The following GLT1D1 variants were observed in gnomAD, a reference collection of about 807,000 sequenced individuals.
GLT1D1 encodes the protein glycosyltransferase 1 domain containing 1.
In GLT1D1, 21 loss-of-function variants were observed where a neutral mutation model predicts 28.7. The ratio of observed to expected loss-of-function variants is 0.73; its 90% CI spans 0.52 to 1.05. GLT1D1 has a LOEUF of 1.05. GLT1D1 is among the 50% of genes least tolerant of loss of function. The probability of loss-of-function intolerance (pLI) is 0.00; values close to 1 mark genes in which losing one functional copy is unlikely to be tolerated. For synonymous variants in GLT1D1, 147 were observed against 124.8 expected, an observed-to-expected ratio of 1.18 and a Z score of -1.19; for missense variants, 343 against 330.6, an observed-to-expected ratio of 1.04 and a Z score of -0.29.
chr12:128,856,798 C>G (rs1209448361), intron 1 of GLT1D1, among the ~76,000 whole-genome samples: 1 of 152,110 alleles, frequency 6.6e-6, no homozygotes, highest in Non-Finnish European at 1.5e-5. Flanking sequence ...GAAACCCCAT[C>G]TCTGCTAAAA....
At chr12:128,942,740 TTTGTTTTTGTTTTTTG>T (rs1196768577) in intron 4 of GLT1D1, among the ~76,000 whole-genome samples, 1 of 69,782 alleles carries the variant, frequency 1.4e-5, no homozygotes, top group Non-Finnish European at 2.9e-5. Context: ...TCTTTGTTTG[TTTGTTTTTGTTTTTTG>T]TTTTTTTTTT....
chr12:128,859,575 G>A (rs1171690591), intron 1 of GLT1D1, among the ~76,000 whole-genome samples: 12 of 152,170 alleles, frequency 7.9e-5, no homozygotes, highest in African/African-American at 2.9e-4. Context: ...TGCTCCACAT[G>A]TGAACAGGGC....
At chr12:128,879,298 C>A (rs1264831206) in intron 2 of GLT1D1, among the ~76,000 whole-genome samples, 58 of 152,212 alleles carry the variant, frequency 3.8e-4, no homozygotes, top group Non-Finnish European at 4.4e-5. Flanking sequence ...TCCTGATGTT[C>A]TCCCTCTTCC....
intron 4 of GLT1D1, among the ~76,000 whole-genome samples, chr12:128,933,459 G>A (rs922761054): frequency 1.3e-5 from 2 of 152,252 alleles, no homozygotes; most frequent in Non-Finnish European, 2.9e-5. Context: ...GGGATGATAT[G>A]CTGTTCTATT....
chr12:128,962,964 T>G (rs1159357346), intron 7 of GLT1D1, among the ~76,000 whole-genome samples: 1 of 152,176 alleles, frequency 6.6e-6, no homozygotes, highest in Non-Finnish European at 1.5e-5. Context: ...CCTCCCAAAG[T>G]GCTGGGATTA....
chr12:128,967,301 G>A (rs1165316058), intron 7 of GLT1D1, among the ~76,000 whole-genome samples: 4 of 152,328 alleles, frequency 2.6e-5, no homozygotes, highest in South Asian at 2.1e-4. Flanking sequence ...GTCAGTCAAC[G>A]GTTTAATGTT....
chr12:128,881,389 C>T (rs1232193077), intron 2 of GLT1D1, among the ~76,000 whole-genome samples: 1 of 148,594 alleles, frequency 6.7e-6, no homozygotes, highest in Non-Finnish European at 1.5e-5. Context: ...AAAAAATTAG[C>T]TGACCATGGT....
At chr12:128,892,564 A>G (rs1167215229) in intron 3 of GLT1D1, among the ~76,000 whole-genome samples, 1 of 152,132 alleles carries the variant, frequency 6.6e-6, no homozygotes, top group Non-Finnish European at 1.5e-5. Flanking sequence ...GCAAACACGG[A>G]TTTCTATTTT....
intron 1 of GLT1D1, among the ~76,000 whole-genome samples, chr12:128,865,865 A>T (rs866995291): frequency 6.6e-6 from 1 of 150,910 alleles, no homozygotes; most frequent in Non-Finnish European, 1.5e-5. Context: ...AAAACCAAAA[A>T]CCCCCCCAAA....
At position 128,883,128 on chromosome 12, in the gene GLT1D1, G is replaced by A. The variant is rs571986339; in HGVS notation, c.218-5511G>A. On this transcript the variant is annotated intron_variant, in intron 2 of 7. Coordinates refer to ENST00000281703, the MANE Select transcript of GLT1D1 (RefSeq NM_144669.3). Reference sequence around the variant, plus strand: ...TTTTAGTGGAGACGGGTTTCATCATGTTGGCCAGGATGGTCTCCATCTCCT... The same window carrying A: ...TTTTAGTGGAGACGGGTTTCATCATATTGGCCAGGATGGTCTCCATCTCCT... Among the ~76,000 whole-genome samples, 9 of 150,616 alleles carry A rather than the reference G, an allele frequency of 6.0e-5. No homozygotes were observed. In the East Asian group the frequency reaches 1.8e-3, roughly 31 times the overall value.
intron 4 of GLT1D1, among the ~76,000 whole-genome samples, chr12:128,941,118 C>T (rs747115721): frequency 3.9e-5 from 6 of 152,156 alleles, no homozygotes; most frequent in Non-Finnish European, 7.3e-5. Context: ...CACGTGGCAT[C>T]GTGTTTTCCA....
Position 128,984,756 on chromosome 12 carries a change from C to T in GLT1D1, c.*1666C>T, listed in dbSNP as rs1392753418. ...AAGGCCCTGCCAGGTCCAATGTTGT[C>T]TTAGATCTGATGATGCTGCTATTTA... On this transcript the variant is annotated 3_prime_UTR_variant, in exon 8 of 8. Transcript: ENST00000281703. 1.3e-5 allele frequency: 2 copies of T among 152,184 alleles called. No individual in the cohort carries two copies. 9.4% of individuals were successfully genotyped at this position (152,184 alleles called of 1,614,324 possible). A position where few individuals can be genotyped will look rare whatever the true frequency, so the allele number is the denominator to read the frequency against.
At chr12:128,948,579 T>G (rs1410185657) in intron 6 of GLT1D1, among the ~76,000 whole-genome samples, 1 of 152,198 alleles carries the variant, frequency 6.6e-6, no homozygotes, top group African/African-American at 2.4e-5. Flanking sequence ...TCCTGAGGTC[T>G]TTGATCCAGG....
intron 2 of GLT1D1, among the ~76,000 whole-genome samples, chr12:128,876,794 T>A (rs1023525060): frequency 2.0e-5 from 3 of 152,192 alleles, no homozygotes; most frequent in Admixed American, 2.0e-4. Flanking sequence ...TAATAAAGAA[T>A]ATCAGAGTAA....
chr12:128,946,349 T>C (rs1169044330), intron 5 of GLT1D1, among the ~76,000 whole-genome samples: 1 of 152,054 alleles, frequency 6.6e-6, no homozygotes, highest in East Asian at 1.9e-4. Context: ...CATTCTTTTT[T>C]GTTGTTGTTG....
At chr12:128,890,848 A>C (rs1020333598) in intron 3 of GLT1D1, among the ~76,000 whole-genome samples, 3 of 152,110 alleles carry the variant, frequency 2.0e-5, no homozygotes, top group African/African-American at 7.2e-5. Flanking sequence ...AAAATACAAA[A>C]ATTAGCCGGA....
chr12:128,947,387 G>A lies in GLT1D1; in HGVS notation c.469G>A (p.Ala157Thr), dbSNP rs760112907. ...AGAGATGCCTCAAGAAGATCTGCAC[G>A]CGGTGGTGAAGAATTGCTTCGCGGT... Residue 157 changes from alanine (A) to threonine (T), a missense_variant, in exon 6 of 8, where the codon GCG (alanine) becomes ACG (threonine). Physicochemically the swap from Ala to Thr is moderately conservative, Grantham distance 58 (BLOSUM62 0). Transcript: ENST00000281703. 48 of 1,613,918 alleles carry A rather than the reference G, an allele frequency of 3.0e-5. No homozygotes were observed. Among genetic ancestry groups the A allele is most frequent in the Admixed American group, 5.0e-5 (3 of 60,006 alleles).
At chr12:128,967,155 A>G (rs970624346) in intron 7 of GLT1D1, among the ~76,000 whole-genome samples, 1 of 152,240 alleles carries the variant, frequency 6.6e-6, no homozygotes, top group African/African-American at 2.4e-5. Context: ...ATAGAAAAAC[A>G]TAAGTTCTGG....
intron 4 of GLT1D1, among the ~76,000 whole-genome samples, chr12:128,910,481 T>C (rs543895948): frequency 1.4e-4 from 21 of 152,284 alleles, no homozygotes; most frequent in African/African-American, 5.1e-4. Flanking sequence ...CATGGTGTTC[T>C]ATTGTGAGTG....
Sources: allele counts gnomAD v4.1 joint callset (sites outside exome capture counted in the v4.1 genomes callset), GRCh38; gene constraint gnomAD v4.1.1; transcripts MANE v1.5; gene names NCBI Gene and HGNC (gene_info 2026-07-23, HGNC 2026-07-21).